The following ALDH5A1 variants were observed in gnomAD, a reference collection of about 807,000 sequenced individuals.
ALDH5A1 encodes aldehyde dehydrogenase 5 family member A1.
A neutral mutation model predicts 54.7 loss-of-function variants in ALDH5A1; 33 were observed. The observed-to-expected ratio is 0.60, with a 90% CI of 0.46 to 0.81. The LOEUF is 0.81. ALDH5A1 is among the 30% of genes least tolerant of loss of function. The pLI is 0.00. For synonymous variants in ALDH5A1, 294 were observed against 292.7 expected, an observed-to-expected ratio of 1.00 and a Z score of -0.05; for missense variants, 657 against 711.0, an observed-to-expected ratio of 0.92 and a Z score of 0.86.
chr6:24,496,201 G>C (rs770155495), intron 1 of ALDH5A1, among the ~76,000 whole-genome samples: 5 of 152,184 alleles, frequency 3.3e-5, no homozygotes, highest in Non-Finnish European at 5.9e-5. Flanking sequence ...TGTATGCCCT[G>C]CACTGTTGGA....
intron 7 of ALDH5A1, among the ~76,000 whole-genome samples, chr6:24,526,599 T>C (rs542041178): frequency 6.6e-6 from 1 of 151,390 alleles, no homozygotes; most frequent in East Asian, 1.9e-4. Flanking sequence ...AAGCAAACTA[T>C]AGAGAGGCAA....
intron 7 of ALDH5A1, 87 bp downstream of exon 7, chr6:24,523,012 G>T: frequency 2.7e-6 from 3 of 1,129,598 alleles, no homozygotes; most frequent in East Asian, 2.8e-5. Flanking sequence ...GGCTGGAGGG[G>T]TGGGGATAGA....
chr6:24,507,752 C>T (rs1462308282), intron 4 of ALDH5A1, among the ~76,000 whole-genome samples: 2 of 151,928 alleles, frequency 1.3e-5, no homozygotes, highest in African/African-American at 4.8e-5. Context: ...TCTTTTATTT[C>T]TGGGTGTAAA....
intron 7 of ALDH5A1, among the ~76,000 whole-genome samples, chr6:24,526,974 G>GTGTATATA (rs1410523920): frequency 2.0e-4 from 6 of 30,598 alleles, no homozygotes; most frequent in East Asian, 4.1e-4. Context: ...ATGTGTGTGT[G>GTGTATATA]TATATATATA....
At chr6:24,524,749 G>T (rs1759769548) in intron 7 of ALDH5A1, among the ~76,000 whole-genome samples, 1 of 152,214 alleles carries the variant, frequency 6.6e-6, no homozygotes, top group African/African-American at 2.4e-5. Flanking sequence ...CTTGTCTAGT[G>T]AAGGCAATTT....
At chr6:24,512,905 G>GTCTGGAACT (rs1759484803) in intron 4 of ALDH5A1, among the ~76,000 whole-genome samples, 1 of 152,044 alleles carries the variant, frequency 6.6e-6, no homozygotes, top group South Asian at 2.1e-4. Flanking sequence ...GGCCAGGCTG[G>GTCTGGAACT]TCTGGAACTC....
intron 7 of ALDH5A1, among the ~76,000 whole-genome samples, chr6:24,524,538 C>T (rs992929959): frequency 6.6e-6 from 1 of 152,158 alleles, no homozygotes; most frequent in African/African-American, 2.4e-5. Flanking sequence ...TGCCTCCACC[C>T]CGTGGGCAGT....
chr6:24,528,687 A>T (rs948385089), intron 8 of ALDH5A1, among the ~76,000 whole-genome samples: 17 of 145,062 alleles, frequency 1.2e-4, no homozygotes, highest in Non-Finnish European at 2.4e-4. Flanking sequence ...ACTTTTTCTT[A>T]CTTTCTGCTG....
chr6:24,510,673 T>C (rs2127384520), intron 4 of ALDH5A1, among the ~76,000 whole-genome samples: 1 of 152,346 alleles, frequency 6.6e-6, no homozygotes, highest in East Asian at 1.9e-4. Context: ...TTCCACCCCT[T>C]TACCTTAAGT....
intron 1 of ALDH5A1, among the ~76,000 whole-genome samples, chr6:24,498,954 G>C (rs1432823506): frequency 6.6e-6 from 1 of 151,966 alleles, no homozygotes; most frequent in Admixed American, 6.6e-5. Context: ...ACAAAAATCA[G>C]CTGGGCGTGG....
At chr6:24,504,082 C>T (rs577271073) in intron 3 of ALDH5A1, among the ~76,000 whole-genome samples, 1 of 152,294 alleles carries the variant, frequency 6.6e-6, no homozygotes, top group East Asian at 1.9e-4. Context: ...CAGACAGAAT[C>T]CCCCTGATTG....
At chr6:24,521,077 C>G (rs1454662240) in intron 6 of ALDH5A1, among the ~76,000 whole-genome samples, 1 of 152,154 alleles carries the variant, frequency 6.6e-6, no homozygotes, top group African/African-American at 2.4e-5. Flanking sequence ...AACTCAAAAC[C>G]CTGTTGCCTG....
chr6:24,520,184 G>A (rs1342759653), intron 5 of ALDH5A1, among the ~76,000 whole-genome samples: 4 of 152,108 alleles, frequency 2.6e-5, no homozygotes, highest in African/African-American at 9.7e-5. Flanking sequence ...GACTACAGGT[G>A]CACACTACCA....
chr6:24,526,033 C>T (rs531553712), intron 7 of ALDH5A1, among the ~76,000 whole-genome samples: 4 of 152,142 alleles, frequency 2.6e-5, no homozygotes, highest in Admixed American at 6.6e-5. Flanking sequence ...AGGGCTCTCT[C>T]GACTTTGCCT....
intron 1 of ALDH5A1, among the ~76,000 whole-genome samples, chr6:24,495,762 G>A (rs1018737219): frequency 2.6e-4 from 39 of 152,212 alleles, no homozygotes; most frequent in Non-Finnish European, 4.1e-4. Flanking sequence ...GGGAGCCCAC[G>A]CAGGAGGCTG....
In ALDH5A1 at chr6:24,509,134, A is replaced by G. The variant is rs1161238499; in HGVS notation, c.726+4149A>G. Among the ~76,000 whole-genome samples the G allele has an allele frequency of 2.0e-5, 3 of 151,866 alleles. No homozygotes were observed. Among genetic ancestry groups the G allele is most frequent in the African/African-American group, 7.3e-5 (3 of 41,362 alleles). On this transcript the variant is annotated intron_variant, in intron 4 of 9. Transcript: ENST00000357578. The surrounding 1 kb of genome is among the most constrained non-coding windows in gnomAD (Gnocchi z 4.7). ...TCTTTAGTTTATTTAAGTCCCAGCT[A>G]TTTATCTTTGTTTTAGTTGCATTTG...
intron 4 of ALDH5A1, among the ~76,000 whole-genome samples, chr6:24,508,841 G>A (rs1759410046): frequency 6.6e-6 from 1 of 152,028 alleles, no homozygotes; most frequent in Non-Finnish European, 1.5e-5. Flanking sequence ...ATTGCATTGT[G>A]GTTTTGATTT....
At position 24,522,455 on chromosome 6, in the gene ALDH5A1, G is replaced by A. The variant is rs188242852; in HGVS notation, c.1015-312G>A. 3.3e-3 allele frequency among the ~76,000 whole-genome samples: 479 copies of A among 144,160 alleles called. 2 individuals carry two copies. The highest frequency in any genetic ancestry group is 5.2e-3 in the Non-Finnish European group (337 of 64,268). The allele number at this position is 144,160 out of a possible 152,430, so 94.6% of individuals were successfully genotyped here. A position where few individuals can be genotyped will look rare whatever the true frequency, so the allele number is the denominator to read the frequency against. On this transcript the variant is annotated intron_variant, in intron 6 of 9. Coordinates refer to ENST00000357578, the MANE Select transcript of ALDH5A1 (RefSeq NM_001080.3). ...AGCCATTTGAAAAAAACATGGATTG[G>A]GTGGCTTTTTTTTCTTTTCTTTCGT...
intron 8 of ALDH5A1, chr6:24,531,861 C>T: frequency 1.9e-6 from 1 of 522,840 alleles, no homozygotes; most frequent in South Asian, 2.2e-5. Context: ...GGATATGCCA[C>T]AGTTCCCTAC....
Sources: allele counts gnomAD v4.1 joint callset (sites outside exome capture counted in the v4.1 genomes callset), GRCh38; gene constraint gnomAD v4.1.1; non-coding constraint Gnocchi (gnomAD v3.1); transcripts MANE v1.5; gene names NCBI Gene and HGNC (gene_info 2026-07-23, HGNC 2026-07-21).